DOP1B: variants seen among roughly 807,000 people sequenced by gnomAD.
The protein encoded by DOP1B is DOP1 leucine zipper like protein B.
A neutral mutation model predicts 233.5 loss-of-function variants in DOP1B; 174 were observed. The ratio of observed to expected loss-of-function variants is 0.75; its 90% confidence interval spans 0.66 to 0.85. DOP1B has a LOEUF of 0.85. Among genes scored for constraint, DOP1B ranks in the 40% least tolerant of loss-of-function variants. DOP1B has a pLI of 0.00. For missense variants in DOP1B, 2,652 were observed against 2,846.6 expected, an observed-to-expected ratio of 0.93 and a Z score of 1.56; for synonymous variants, 1,190 against 1,185.6, an observed-to-expected ratio of 1.00 and a Z score of -0.08.
chr21:36,288,328 T>C (rs1214262727), intron 33 of DOP1B, among the ~76,000 whole-genome samples, 178 bp downstream of exon 33: 2 of 152,230 alleles, frequency 1.3e-5, no homozygotes, highest in African/African-American at 4.8e-5. Context: ...ATGATCATAT[T>C]TGATCTCTCA....
chr21:36,259,338 T>C (rs1300087749), intron 23 of DOP1B, among the ~76,000 whole-genome samples: 1 of 151,300 alleles, frequency 6.6e-6, no homozygotes, highest in Admixed American at 6.6e-5. Context: ...TGGCGTGATC[T>C]TGGTTCACTG....
chr21:36,194,066 G>C (rs2066262086), intron 2 of DOP1B, among the ~76,000 whole-genome samples: 1 of 152,196 alleles, frequency 6.6e-6, no homozygotes, highest in Non-Finnish European at 1.5e-5. Context: ...TCTGAAACTG[G>C]AATTGGTGGC....
At chr21:36,203,939 C>G (rs1416731899) in intron 4 of DOP1B, among the ~76,000 whole-genome samples, 1 of 149,004 alleles carries the variant, frequency 6.7e-6, no homozygotes, top group African/African-American at 2.5e-5. Context: ...ACTAAGAAAA[C>G]AAGATTAGAA....
At chr21:36,194,557 ACT>A (rs927495613) in intron 2 of DOP1B, among the ~76,000 whole-genome samples, 2 of 136,290 alleles carry the variant, frequency 1.5e-5, no homozygotes, top group African/African-American at 5.5e-5. Context: ...CACAATCTCG[ACT>A]CTCTCCAACC....
chr21:36,288,673 C>G (rs779429947), intron 33 of DOP1B, 83 bp from the exon 34 acceptor site: 1 of 1,037,040 alleles, frequency 9.6e-7, no homozygotes, highest in Non-Finnish European at 1.4e-6. Context: ...ATAAATTAAT[C>G]GATTTTTAAA....
chr21:36,196,557 T>C (rs1302542319), intron 2 of DOP1B, among the ~76,000 whole-genome samples: 1 of 152,118 alleles, frequency 6.6e-6, no homozygotes, highest in African/African-American at 2.4e-5. Flanking sequence ...ATAAGCACAT[T>C]TTTTCACATT....
At chr21:36,275,907 T>C (rs181868804) in intron 27 of DOP1B, among the ~76,000 whole-genome samples, 1 of 152,192 alleles carries the variant, frequency 6.6e-6, no homozygotes, top group East Asian at 1.9e-4. Flanking sequence ...TGAGGACCTG[T>C]AGCAGCTGCT....
Position 36,289,325 on chromosome 21 carries a change from G to T in DOP1B, c.6515+119G>T, listed in dbSNP as rs1601487130. 6 of 1,058,336 alleles carry T rather than the reference G, an allele frequency of 5.7e-6. No individual in the cohort carries two copies. In the East Asian group the frequency reaches 1.0e-4, roughly 18 times the overall value. 65.6% of individuals were successfully genotyped at this position (1,058,336 alleles called of 1,614,324 possible). A position where few individuals can be genotyped will look rare whatever the true frequency, so the allele number is the denominator to read the frequency against. ...GGAAACCACCATCTGGGTTTCTAGTGACAGCTAAGCCAGCTCGGAATACCA... is the reference window on the plus strand; with the variant it reads ...GGAAACCACCATCTGGGTTTCTAGTTACAGCTAAGCCAGCTCGGAATACCA... On this transcript the variant is annotated intron_variant, in intron 35 of 36. Transcript: ENST00000691173.
At chr21:36,166,127 T>C (rs1318465503) in intron 2 of DOP1B, among the ~76,000 whole-genome samples, 2 of 151,646 alleles carry the variant, frequency 1.3e-5, no homozygotes, top group African/African-American at 4.8e-5. Flanking sequence ...TGCCACCCCA[T>C]CTGTGGAGAA....
rs370723966 is a variant in DOP1B, at chr21:36,246,687, G to T, written c.4697+10G>T. The T allele has an allele frequency of 2.5e-6, 4 of 1,595,982 alleles. No individual in the cohort carries two copies. Among genetic ancestry groups the T allele is most frequent in the Non-Finnish European group, 3.4e-6 (4 of 1,166,552 alleles). ...TGAAGCTCTCTGTCAGGTGCGTTACGCTCCTTGTGACATCTTTATTGCTTT... is the reference window on the plus strand; with the variant it reads ...TGAAGCTCTCTGTCAGGTGCGTTACTCTCCTTGTGACATCTTTATTGCTTT... On this transcript the variant is annotated intron_variant, in intron 19 of 36. Transcript: ENST00000691173. The surrounding 1 kb of genome is among the most constrained non-coding windows in gnomAD (Gnocchi z 5.1).
At chr21:36,274,782 G>A (rs2146239822) in intron 27 of DOP1B, among the ~76,000 whole-genome samples, 1 of 152,138 alleles carries the variant, frequency 6.6e-6, no homozygotes, top group South Asian at 2.1e-4. Flanking sequence ...AACTCTTTGA[G>A]GCTAGTTGTC....
intron 15 of DOP1B, among the ~76,000 whole-genome samples, chr21:36,235,801 T>G (rs1030546725): frequency 2.0e-5 from 3 of 148,988 alleles, no homozygotes; most frequent in Non-Finnish European, 4.5e-5. Flanking sequence ...CAAAAAAATT[T>G]TTTAAACCTT....
chr21:36,292,139 AGGGCCCTGCCTTCCTGTC>A lies in DOP1B; in HGVS notation c.6554_6571del (p.Gly2185_Ser2190del). On this transcript the variant is annotated inframe_deletion, in exon 36 of 37. Transcript: ENST00000691173. ...GCATTTATTCCAGAAGTGGACACAG[AGGGCCCTGCCTTCCTGTC>A]GGATGTAGAGGAGAATCACCAAGAA... 1 of 1,611,740 alleles carries A rather than the reference AGGGCCCTGCCTTCCTGTC, an allele frequency of 6.2e-7. No homozygotes were observed. Among genetic ancestry groups the A allele is most frequent in the Non-Finnish European group, 8.5e-7 (1 of 1,179,140 alleles).
intron 2 of DOP1B, among the ~76,000 whole-genome samples, chr21:36,197,363 A>C (rs2066303070): frequency 6.6e-6 from 1 of 152,152 alleles, no homozygotes; most frequent in Admixed American, 6.5e-5. Context: ...TGTGCTTTAG[A>C]GGTGGGATCG....
chr21:36,211,495 C>T (rs1487139097), intron 5 of DOP1B, 58 bp from the exon 6 acceptor site: 5 of 1,503,598 alleles, frequency 3.3e-6, no homozygotes, highest in Middle Eastern at 1.7e-4. Flanking sequence ...AGGTTACTTT[C>T]GTTTTTATGA....
Position 36,246,332 on chromosome 21 carries a change from T to G in DOP1B, c.4352T>G (p.Leu1451Trp). The G allele has an allele frequency of 6.2e-7, 1 of 1,613,914 alleles. No homozygotes were observed. The highest frequency in any genetic ancestry group is 8.5e-7 in the Non-Finnish European group (1 of 1,179,994). Residue 1451 changes from leucine (L) to tryptophan (W), a missense_variant, in exon 19 of 37, where the codon TTG becomes TGG. Leu to Trp is a moderately conservative substitution (Grantham distance 61). This residue lies in a region of DOP1B where 2,617 missense variants were observed against 2,794.3 expected (regional missense o/e 0.94). Coordinates refer to ENST00000691173, the MANE Select transcript of DOP1B (RefSeq NM_001320714.2). The surrounding 1 kb of genome is among the most constrained non-coding windows in gnomAD (Gnocchi z 5.1). The part of the protein sequence containing the change: ...LLKLLQVLIV[L>W]EHHLGRAHEE... ...AAGCTGCTGCAGGTGCTGATTGTCT[T>G]GGAACACCACCTGGGTCGGGCCCAT...
At position 36,291,177 on chromosome 21, in the gene DOP1B, G is replaced by A. The variant is rs542481436; in HGVS notation, c.6516-927G>A. On this transcript the variant is annotated intron_variant, in intron 35 of 36. Coordinates refer to ENST00000691173, the MANE Select transcript of DOP1B (RefSeq NM_001320714.2). Reference sequence around the variant, plus strand: ...CTCAAGAGGCTGAGGCAGGAGAATCGCTTGAAACCGAAGGCGGAGGTTGCA... The same window carrying A: ...CTCAAGAGGCTGAGGCAGGAGAATCACTTGAAACCGAAGGCGGAGGTTGCA... Among the ~76,000 whole-genome samples, 25 of 149,790 alleles carry A rather than the reference G, an allele frequency of 1.7e-4. No individual in the cohort carries two copies. The South Asian group carries it at 5.3e-3, about 32-fold the overall frequency.
At chr21:36,292,834 G>A (rs1349095752) in intron 36 of DOP1B, among the ~76,000 whole-genome samples, 1 of 151,994 alleles carries the variant, frequency 6.6e-6, no homozygotes, top group Non-Finnish European at 1.5e-5. Flanking sequence ...GGCTGGTCTC[G>A]AACTCCTGAC....
rs2066839953 is a variant in DOP1B at position 36,237,345 on chromosome 21, G to T, written c.2706G>T (p.Leu902=). Reference sequence around the variant, plus strand: ...CCTGCGTAGAATTGTTCTACCGGCTGCACTGCCTGGCCCCTACGGCCAACA... The same window carrying T: ...CCTGCGTAGAATTGTTCTACCGGCTTCACTGCCTGGCCCCTACGGCCAACA... ...HVTCVELFYR[L]HCLAPTANIC... The change falls in exon 16 of 37, where the codon CTG becomes CTT. Residue 902 remains leucine (L), a synonymous_variant. Transcript: ENST00000691173. 1 of 1,614,068 alleles carries T rather than the reference G, an allele frequency of 6.2e-7. No homozygotes were observed. The highest frequency in any genetic ancestry group is 1.3e-5 in the African/African-American group (1 of 74,932).
Sources: gnomAD v4.1 joint callset for allele counts (sites outside exome capture counted in the v4.1 genomes callset) on GRCh38, gnomAD v4.1.1 for gene constraint, gnomAD v4.1.1 regional missense constraint, Gnocchi (gnomAD v3.1) non-coding constraint, MANE v1.5 for transcripts, NCBI Gene and HGNC (gene_info 2026-07-23, HGNC 2026-07-21) for gene names.